Variants in PCSK5 observed in about 807,000 individuals in gnomAD.
The protein encoded by PCSK5 is prohormone convertase 5.
Under a neutral mutation model 233.2 loss-of-function variants are expected in PCSK5, and 129 were observed. That is an observed-to-expected ratio of 0.55 (90% CI 0.48 to 0.64). The LOEUF (loss-of-function observed/expected upper bound fraction) is 0.64. Among genes scored for constraint, PCSK5 ranks in the 30% least tolerant of loss-of-function variants. PCSK5 has a pLI of 0.00. For synonymous variants in PCSK5, 825 were observed against 879.2 expected, an observed-to-expected ratio of 0.94 and a Z score of 1.09; for missense variants, 2,076 against 2,430.1, an observed-to-expected ratio of 0.85 and a Z score of 3.06.
At chr9:76,271,012 A>G (rs2643322) in intron 24 of PCSK5, among the ~76,000 whole-genome samples, 80,640 of 151,786 alleles carry the variant, frequency 0.53, 23,764 homozygotes, top group Non-Finnish European at 0.67. Flanking sequence ...CCCGCTGTGT[A>G]CTATCATCTT....
intron 5 of PCSK5, among the ~76,000 whole-genome samples, chr9:76,042,900 G>A (rs1008071774): frequency 2.0e-5 from 3 of 152,158 alleles, no homozygotes; most frequent in Non-Finnish European, 4.4e-5. Flanking sequence ...CCTCCTCAAA[G>A]GGGACAGTGA....
intron 20 of PCSK5, among the ~76,000 whole-genome samples, chr9:76,222,000 C>T (rs1825741816): frequency 6.6e-6 from 1 of 152,162 alleles, no homozygotes; most frequent in Non-Finnish European, 1.5e-5. Context: ...AAGAGATTTC[C>T]TCCAGACACC....
At chr9:76,044,314 T>C (rs1370024014) in intron 5 of PCSK5, among the ~76,000 whole-genome samples, 2 of 152,348 alleles carry the variant, frequency 1.3e-5, no homozygotes, top group East Asian at 1.9e-4. Flanking sequence ...TACTGATTTA[T>C]GTTTTACTAA....
intron 25 of PCSK5, 134 bp downstream of exon 25, chr9:76,292,409 A>G (rs1171833510): frequency 1.6e-5 from 10 of 644,996 alleles, no homozygotes; most frequent in Non-Finnish European, 2.8e-5. Flanking sequence ...GCTATTAATG[A>G]GCAATTCTTG....
At chr9:76,090,563 C>T (rs116872172) in intron 7 of PCSK5, among the ~76,000 whole-genome samples, 156 of 152,280 alleles carry the variant, frequency 1.0e-3, no homozygotes, top group Non-Finnish European at 2.1e-3. Context: ...TGTGGCAGAG[C>T]ACACAGAATC....
chr9:76,289,472 CACA>C (rs1828198575), intron 24 of PCSK5, among the ~76,000 whole-genome samples: 1 of 41,720 alleles, frequency 2.4e-5, no homozygotes, highest in South Asian at 5.6e-4. Flanking sequence ...CCCCTCACCA[CACA>C]CACACACACA....
At chr9:76,139,640 CAT>C (rs1471098112) in intron 10 of PCSK5, among the ~76,000 whole-genome samples, 2 of 152,050 alleles carry the variant, frequency 1.3e-5, no homozygotes, top group Non-Finnish European at 1.5e-5. Flanking sequence ...TGCCGCCTAA[CAT>C]ATTTTTTTAA....
chr9:76,176,312 G>A (rs1823612524), intron 14 of PCSK5, among the ~76,000 whole-genome samples: 1 of 152,112 alleles, frequency 6.6e-6, no homozygotes, highest in African/African-American at 2.4e-5. Context: ...AATATAGTAA[G>A]TTCTTATACC....
At chr9:76,206,036 G>C (rs1236406435) in intron 20 of PCSK5, among the ~76,000 whole-genome samples, 1 of 152,246 alleles carries the variant, frequency 6.6e-6, no homozygotes, top group Non-Finnish European at 1.5e-5. Flanking sequence ...AATGAGCATA[G>C]AGCAATGGCT....
At chr9:75,917,423 G>T (rs897429694) in intron 1 of PCSK5, among the ~76,000 whole-genome samples, 1 of 152,168 alleles carries the variant, frequency 6.6e-6, no homozygotes, top group Non-Finnish European at 1.5e-5. Flanking sequence ...ATCTATCTTG[G>T]TAATATTTTA....
intron 24 of PCSK5, among the ~76,000 whole-genome samples, chr9:76,271,210 G>A (rs966818162): frequency 6.6e-6 from 1 of 152,072 alleles, no homozygotes; most frequent in African/African-American, 2.4e-5. Context: ...GGAGAAAGGA[G>A]ATTATACAGA....
intron 17 of PCSK5, among the ~76,000 whole-genome samples, chr9:76,186,775 G>T (rs184698077): frequency 5.9e-5 from 9 of 152,160 alleles, no homozygotes; most frequent in African/African-American, 1.9e-4. Context: ...CCTCTCAAAT[G>T]GATCCATTTA....
intron 1 of PCSK5, among the ~76,000 whole-genome samples, chr9:75,895,505 G>A (rs1825766137): frequency 6.6e-6 from 1 of 152,192 alleles, no homozygotes; most frequent in South Asian, 2.1e-4. Context: ...TGTAGGCAGG[G>A]AAAATGATTT....
At chr9:76,250,793 A>G (rs1468064245) in intron 24 of PCSK5, among the ~76,000 whole-genome samples, 3 of 152,262 alleles carry the variant, frequency 2.0e-5, no homozygotes, top group Non-Finnish European at 4.4e-5. Context: ...ACTTTACGTT[A>G]GTAATAACCA....
At chr9:75,908,925 C>CTATCTATCTATCTA (rs1554704504) in intron 1 of PCSK5, among the ~76,000 whole-genome samples, 40 of 103,866 alleles carry the variant, frequency 3.9e-4, no homozygotes, top group African/African-American at 6.2e-4. Context: ...CTATCTATCT[C>CTATCTATCTATCTA]TCTATCTCTC....
At chr9:76,162,465 G>C (rs554858619) in intron 12 of PCSK5, among the ~76,000 whole-genome samples, 7 of 152,204 alleles carry the variant, frequency 4.6e-5, no homozygotes, top group Admixed American at 1.3e-4. Flanking sequence ...AAGGGGTGGA[G>C]AGGAGGTGAA....
rs1564088434 is a variant in PCSK5 at position 75,928,956 on chromosome 9, A to ATTT, written c.193-3423_193-3422insTTT. ...TTATTTATTTATTTATTTATTTATG[A>ATTT]GACACAGTCTTGCTCTGTCACCAGG... On this transcript the variant is annotated intron_variant, in intron 1 of 37. Transcript: ENST00000674117. Among the ~76,000 whole-genome samples, 58 of 129,060 alleles carry ATTT rather than the reference A, an allele frequency of 4.5e-4. 1 individual carries two copies. The highest frequency in any genetic ancestry group is 1.9e-3 in the African/African-American group (58 of 30,434). The allele number at this position is 129,060 out of a possible 152,430, so 84.7% of individuals were successfully genotyped here. A position where few individuals can be genotyped will look rare whatever the true frequency, so the allele number is the denominator to read the frequency against.
chr9:76,253,875 TAGTTGGCTTA>T (rs1263476808), intron 24 of PCSK5, among the ~76,000 whole-genome samples: 1 of 152,192 alleles, frequency 6.6e-6, no homozygotes, highest in Admixed American at 6.5e-5. Context: ...ACAAAGGAAG[TAGTTGGCTTA>T]GAAGCTCTTT....
chr9:75,950,146 G>GT (rs1824782257), intron 2 of PCSK5, among the ~76,000 whole-genome samples: 2 of 128,912 alleles, frequency 1.6e-5, no homozygotes, highest in Non-Finnish European at 3.3e-5. Flanking sequence ...TGTGTGTGTG[G>GT]GGGGGGCGGG....
Sources: gnomAD v4.1 joint callset for allele counts (sites outside exome capture counted in the v4.1 genomes callset) on GRCh38, gnomAD v4.1.1 for gene constraint, MANE v1.5 for transcripts, NCBI Gene and HGNC (gene_info 2026-07-23, HGNC 2026-07-21) for gene names.